Variants in ATP9A observed in about 807,000 individuals in gnomAD.
The protein encoded by ATP9A is ATPase phospholipid transporting 9A.
In ATP9A, 52 loss-of-function variants were observed where a neutral mutation model predicts 144.1. That is an observed-to-expected ratio of 0.36 (90% confidence interval 0.29 to 0.45). The LOEUF is 0.45. ATP9A is among the 20% of genes least tolerant of loss of function. The pLI is 1.00. For synonymous variants in ATP9A, 582 were observed against 557.4 expected, an observed-to-expected ratio of 1.04 and a Z score of -0.62; for missense variants, 947 against 1,392.7, an observed-to-expected ratio of 0.68 and a Z score of 5.09.
intron 1 of ATP9A, among the ~76,000 whole-genome samples, chr20:51,736,100 C>T (rs1380040561): frequency 6.6e-6 from 1 of 152,194 alleles, no homozygotes; most frequent in African/African-American, 2.4e-5. Context: ...TGCCATGCAC[C>T]CATACAAGGA....
chr20:51,688,549 G>T (rs6021383), intron 9 of ATP9A, among the ~76,000 whole-genome samples: 89,282 of 151,568 alleles, frequency 0.59, 26,629 homozygotes, highest in Non-Finnish European at 0.62. Flanking sequence ...CCAAGATTGT[G>T]CCACTGTACT....
chr20:51,737,844 C>A (rs2077768802), intron 1 of ATP9A, among the ~76,000 whole-genome samples: 1 of 152,034 alleles, frequency 6.6e-6, no homozygotes, highest in South Asian at 2.1e-4. Context: ...ACGGGACAGG[C>A]AGGTAAAATA....
chr20:51,682,805 C>A (rs1296463310), intron 9 of ATP9A, among the ~76,000 whole-genome samples: 7 of 142,746 alleles, frequency 4.9e-5, no homozygotes, highest in Non-Finnish European at 9.0e-5. Context: ...GTTGGCCAGG[C>A]TGATCTCAAA....
chr20:51,668,866 G>A (rs902419184), intron 13 of ATP9A, among the ~76,000 whole-genome samples: 33 of 152,110 alleles, frequency 2.2e-4, no homozygotes, highest in African/African-American at 7.2e-4. Context: ...AGACAGCCTG[G>A]AAATCCAGCC....
intron 4 of ATP9A, among the ~76,000 whole-genome samples, chr20:51,705,683 T>G (rs1423722871): frequency 2.0e-5 from 3 of 152,210 alleles, no homozygotes; most frequent in Non-Finnish European, 2.9e-5. Context: ...GGAATTCATC[T>G]TGTGAAAATG....
At chr20:51,675,391 G>A (rs2077472753) in intron 10 of ATP9A, among the ~76,000 whole-genome samples, 1 of 152,186 alleles carries the variant, frequency 6.6e-6, no homozygotes, top group African/African-American at 2.4e-5. Flanking sequence ...CTGTGATGGT[G>A]GGTCACGGTT....
chr20:51,753,157 GAAAAT>G (rs950907193), intron 1 of ATP9A, among the ~76,000 whole-genome samples: 8 of 152,028 alleles, frequency 5.3e-5, no homozygotes, highest in Admixed American at 3.9e-4. Flanking sequence ...CTTGTAAAGT[GAAAAT>G]AAAATACAAA....
intron 17 of ATP9A, among the ~76,000 whole-genome samples, chr20:51,626,534 G>C (rs2077249385): frequency 6.6e-6 from 1 of 151,168 alleles, no homozygotes; most frequent in African/African-American, 2.4e-5. Context: ...AGCCGAACCA[G>C]ATGCGGTGGC....
intron 1 of ATP9A, among the ~76,000 whole-genome samples, chr20:51,738,110 C>T (rs896267521): frequency 2.6e-5 from 4 of 151,502 alleles, no homozygotes; most frequent in African/African-American, 7.3e-5. Flanking sequence ...CCCACTGCAA[C>T]CTCCACCTCC....
Position 51,686,732 on chromosome 20 carries a change from C to T in ATP9A, c.799+2332G>A, listed in dbSNP as rs562666973. Among the ~76,000 whole-genome samples the T allele has an allele frequency of 5.3e-5, 8 of 152,196 alleles. No individual in the cohort carries two copies. The East Asian group carries it at 1.5e-3, about 29-fold the overall frequency. On this transcript the variant is annotated intron_variant, in intron 9 of 27. Coordinates refer to ENST00000338821, the MANE Select transcript of ATP9A (RefSeq NM_006045.3). ...GGTGGATCACCTGAGGTCAGGAGTT[C>T]GAGACCAGCCTGGCCAACATGGTGA...
At chr20:51,667,060 A>AC (rs368377331) in intron 13 of ATP9A, among the ~76,000 whole-genome samples, 1 of 152,000 alleles carries the variant, frequency 6.6e-6, no homozygotes, top group African/African-American at 2.4e-5. Context: ...GCTAACCCTA[A>AC]CCCCACAACA....
At chr20:51,605,246 G>A (rs1037144580) in intron 26 of ATP9A, among the ~76,000 whole-genome samples, 5 of 152,312 alleles carry the variant, frequency 3.3e-5, no homozygotes, top group Middle Eastern at 3.4e-3. Context: ...GAGAAAAAGG[G>A]AGAAAAAAGG....
intron 1 of ATP9A, among the ~76,000 whole-genome samples, chr20:51,730,326 G>C (rs1351549712): frequency 1.3e-5 from 2 of 152,066 alleles, no homozygotes; most frequent in Non-Finnish European, 2.9e-5. Context: ...AAATTAGCCG[G>C]GCGTGTTGGC....
intron 1 of ATP9A, among the ~76,000 whole-genome samples, chr20:51,737,220 C>T (rs1366904514): frequency 2.0e-5 from 3 of 152,196 alleles, no homozygotes; most frequent in Non-Finnish European, 2.9e-5. Context: ...CACAGCAATA[C>T]TTTTTTTCCC....
At chr20:51,623,884 T>C (rs1171474986) in intron 18 of ATP9A, among the ~76,000 whole-genome samples, 1 of 151,542 alleles carries the variant, frequency 6.6e-6, no homozygotes, top group Non-Finnish European at 1.5e-5. Context: ...ACCTGCCCCA[T>C]CCCAGGCACT....
At chr20:51,697,293 A>T (rs1188598961) in intron 5 of ATP9A, 131 bp downstream of exon 5, 1 of 732,714 alleles carries the variant, frequency 1.4e-6, no homozygotes, top group African/African-American at 1.8e-5. Context: ...CAGGAAAGAG[A>T]TTTTTCTCCC....
At chr20:51,679,458 C>T (rs1433583215) in intron 9 of ATP9A, among the ~76,000 whole-genome samples, 3 of 152,158 alleles carry the variant, frequency 2.0e-5, no homozygotes, top group Admixed American at 6.5e-5. Flanking sequence ...CAGGCACGTG[C>T]TCTGAGCTCA....
chr20:51,618,115 G>T (rs1156416308), intron 21 of ATP9A, among the ~76,000 whole-genome samples: 1 of 152,006 alleles, frequency 6.6e-6, no homozygotes, highest in African/African-American at 2.4e-5. Flanking sequence ...AGCAACTCGG[G>T]AGGCTGAGGC....
chr20:51,697,610 G>A, intron 4 of ATP9A, 128 bp from the exon 5 acceptor site: 1 of 774,122 alleles, frequency 1.3e-6, no homozygotes, highest in Non-Finnish European at 2.1e-6. Context: ...ACAGCTGCCA[G>A]TGACTCCAGC....
Sources: gnomAD v4.1 joint callset for allele counts (sites outside exome capture counted in the v4.1 genomes callset) on GRCh38, gnomAD v4.1.1 for gene constraint, MANE v1.5 for transcripts, NCBI Gene and HGNC (gene_info 2026-07-23, HGNC 2026-07-21) for gene names.